The following KIAA1217 variants were observed in gnomAD, a reference collection of about 807,000 sequenced individuals.
KIAA1217 encodes sickle tail protein homolog.
In KIAA1217, 88 loss-of-function variants were observed where a neutral mutation model predicts 163.9. The ratio of observed to expected loss-of-function variants is 0.54; its 90% CI spans 0.45 to 0.64. The LOEUF is 0.64. Ranked by LOEUF, KIAA1217 falls within the 30% of genes least tolerant of loss-of-function variation. KIAA1217 has a pLI of 0.00. For missense variants in KIAA1217, 2,372 were observed against 2,475.0 expected (o/e 0.96, Z 0.88); for synonymous variants, 903 against 923.1 (o/e 0.98, Z 0.39).
At chr10:23,762,628 A>G (rs1834317208) in intron 1 of KIAA1217, among the ~76,000 whole-genome samples, 1 of 152,202 alleles carries the variant, frequency 6.6e-6, no homozygotes, top group African/African-American at 2.4e-5. Flanking sequence ...CAAAATAATA[A>G]GAACTATTTA....
intron 2 of KIAA1217, among the ~76,000 whole-genome samples, chr10:24,087,873 T>G (rs1417020740): frequency 6.6e-6 from 1 of 151,848 alleles, no homozygotes; most frequent in African/African-American, 2.4e-5. Context: ...TTAGAAAGAG[T>G]GTGTCGTGGA....
chr10:24,250,523 C>T (rs1490366352), intron 2 of KIAA1217, among the ~76,000 whole-genome samples: 1 of 151,368 alleles, frequency 6.6e-6, no homozygotes, highest in Non-Finnish European at 1.5e-5. Context: ...ACCTCCACCT[C>T]CCAGGTTCAA....
intron 2 of KIAA1217, among the ~76,000 whole-genome samples, chr10:24,106,336 A>C (rs956690146): frequency 1.3e-5 from 2 of 152,072 alleles, no homozygotes; most frequent in Non-Finnish European, 2.9e-5. Context: ...ACTTCAGGAA[A>C]ATATCTTTAA....
chr10:24,418,866 AT>A (rs963919126), intron 3 of KIAA1217, among the ~76,000 whole-genome samples: 3 of 151,648 alleles, frequency 2.0e-5, no homozygotes, highest in Admixed American at 6.6e-5. Context: ...TAACTTTTAC[AT>A]TTTTGTTCTT....
chr10:24,191,973 G>A (rs1189711347), intron 2 of KIAA1217, among the ~76,000 whole-genome samples: 2 of 152,132 alleles, frequency 1.3e-5, no homozygotes, highest in African/African-American at 4.8e-5. Flanking sequence ...TGGAACCCCT[G>A]ACCTCAAGTG....
chr10:24,176,723 A>T (rs2082924308), intron 2 of KIAA1217, among the ~76,000 whole-genome samples: 1 of 152,228 alleles, frequency 6.6e-6, no homozygotes, highest in African/African-American at 2.4e-5. Flanking sequence ...TGTGCCGTGC[A>T]CCCACACTCC....
intron 1 of KIAA1217, among the ~76,000 whole-genome samples, chr10:23,987,394 C>CAAAAAAAT (rs1564589303): frequency 7.6e-6 from 1 of 131,920 alleles, no homozygotes; most frequent in Non-Finnish European, 1.6e-5. Context: ...AAAAAAAAAG[C>CAAAAAAAT]CACCCTTCTT....
chr10:24,448,125 C>T (rs900092197), intron 5 of KIAA1217, among the ~76,000 whole-genome samples: 1 of 151,210 alleles, frequency 6.6e-6, no homozygotes, highest in African/African-American at 2.4e-5. Flanking sequence ...TGAGTCTCCA[C>T]CTCAAAAAAA....
intron 2 of KIAA1217, among the ~76,000 whole-genome samples, chr10:24,151,950 A>T (rs1423265816): frequency 6.6e-6 from 1 of 152,056 alleles, no homozygotes; most frequent in Non-Finnish European, 1.5e-5. Flanking sequence ...CTTCCCAACC[A>T]TTTAAGTTTC....
At chr10:24,071,784 T>C (rs1205515574) in intron 2 of KIAA1217, among the ~76,000 whole-genome samples, 1 of 152,034 alleles carries the variant, frequency 6.6e-6, no homozygotes, top group Non-Finnish European at 1.5e-5. Context: ...TTGCCCATCA[T>C]TAGAAAGTAG....
intron 1 of KIAA1217, among the ~76,000 whole-genome samples, chr10:23,900,989 G>T (rs538873782): frequency 6.6e-6 from 1 of 152,098 alleles, no homozygotes; most frequent in East Asian, 1.9e-4. Flanking sequence ...AATTATTATG[G>T]CTGTTAATAA....
chr10:23,987,240 G>A (rs746020907), intron 1 of KIAA1217, among the ~76,000 whole-genome samples: 1 of 151,744 alleles, frequency 6.6e-6, no homozygotes, highest in Non-Finnish European at 1.5e-5. Context: ...AGCCGGGTGT[G>A]GTGGTGGACG....
chr10:24,277,405 A>G (rs936171231), intron 2 of KIAA1217, among the ~76,000 whole-genome samples: 14 of 152,192 alleles, frequency 9.2e-5, no homozygotes, highest in Non-Finnish European at 7.3e-5. Context: ...GATGGGGGAC[A>G]GGTTGCCCTG....
intron 1 of KIAA1217, among the ~76,000 whole-genome samples, chr10:23,827,241 T>C (rs1163083649): frequency 1.3e-5 from 2 of 152,194 alleles, no homozygotes; most frequent in African/African-American, 4.8e-5. Flanking sequence ...CATCAGTGTT[T>C]TTAAAGCTGA....
At chr10:24,393,276 A>G (rs116186182) in intron 3 of KIAA1217, among the ~76,000 whole-genome samples, 67 of 152,240 alleles carry the variant, frequency 4.4e-4, no homozygotes, top group African/African-American at 1.5e-3. Context: ...GCTGGAGGGT[A>G]GATTATGTCT....
chr10:24,472,467 C>T lies in KIAA1217; in HGVS notation c.847-761C>T, dbSNP rs1362611788. 2.0e-5 allele frequency among the ~76,000 whole-genome samples: 3 copies of T among 152,166 alleles called. No individual in the cohort carries two copies. The East Asian group carries it at 5.8e-4, about 29-fold the overall frequency. On this transcript the variant is annotated intron_variant, in intron 5 of 20. Transcript: ENST00000376454. ...TGTATCCACTTTGAAAGATGGGAAA[C>T]ATGGTTACTATTTCCCAGGGCTAAC...
At chr10:23,773,954 C>T (rs1449910727) in intron 1 of KIAA1217, among the ~76,000 whole-genome samples, 2 of 152,058 alleles carry the variant, frequency 1.3e-5, no homozygotes, top group Non-Finnish European at 2.9e-5. Flanking sequence ...CATTTATTTC[C>T]TTCTCCTGCC....
chr10:23,966,478 C>G (rs1224364316), intron 1 of KIAA1217, among the ~76,000 whole-genome samples: 2 of 152,156 alleles, frequency 1.3e-5, no homozygotes, highest in African/African-American at 4.8e-5. Context: ...TGTGCTCTCT[C>G]AAGCAGTAGC....
chr10:24,411,986 A>T (rs1203627791), intron 3 of KIAA1217, among the ~76,000 whole-genome samples: 1 of 152,162 alleles, frequency 6.6e-6, no homozygotes, highest in Non-Finnish European at 1.5e-5. Flanking sequence ...AACATGCCTT[A>T]TAAAACTAGA....
Sources: gnomAD v4.1 joint callset for allele counts (sites outside exome capture counted in the v4.1 genomes callset) on GRCh38, gnomAD v4.1.1 for gene constraint, MANE v1.5 for transcripts, NCBI Gene and HGNC (gene_info 2026-07-23, HGNC 2026-07-21) for gene names.